Variants in XRCC4 observed in about 807,000 individuals in gnomAD.
XRCC4 encodes the protein DNA repair protein XRCC4.
XRCC4 carries 28 observed loss-of-function variants against 39.1 expected under a neutral mutation model. That is an observed-to-expected ratio of 0.72 (90% CI 0.53 to 0.98). The LOEUF (loss-of-function observed/expected upper bound fraction) is 0.98, where lower values mean the gene tolerates loss of function less well. Ranked by LOEUF, XRCC4 falls within the 50% of genes least tolerant of loss-of-function variation. The probability of loss-of-function intolerance (pLI) is 0.00; values close to 1 mark genes in which losing one functional copy is unlikely to be tolerated. For synonymous variants in XRCC4, 123 were observed against 126.4 expected, an observed-to-expected ratio of 0.97 and a Z score of 0.18; for missense variants, 350 against 376.4, an observed-to-expected ratio of 0.93 and a Z score of 0.58.
intron 3 of XRCC4, among the ~76,000 whole-genome samples, chr5:83,150,954 A>G (rs1748675885): frequency 6.6e-6 from 1 of 152,036 alleles, no homozygotes; most frequent in South Asian, 2.1e-4. Flanking sequence ...TTTGGAGTGA[A>G]TGGATTGTTT....
At chr5:83,082,662 T>A (rs1395925174) in intron 1 of XRCC4, among the ~76,000 whole-genome samples, 1 of 152,306 alleles carries the variant, frequency 6.6e-6, no homozygotes, top group East Asian at 1.9e-4. Context: ...ACAGGCTGCC[T>A]GTGGCCTATG....
At chr5:83,205,366 G>T (rs1751377689) in intron 6 of XRCC4, among the ~76,000 whole-genome samples, 1 of 152,084 alleles carries the variant, frequency 6.6e-6, no homozygotes, top group Non-Finnish European at 1.5e-5. Context: ...TCAGAAAAAA[G>T]ATTGCAACAA....
intron 3 of XRCC4, among the ~76,000 whole-genome samples, chr5:83,160,017 A>G (rs141933914): frequency 6.6e-6 from 1 of 152,300 alleles, no homozygotes; most frequent in Admixed American, 6.5e-5. Flanking sequence ...AACATTTAAA[A>G]GAGATCTTAG....
chr5:83,155,891 A>T (rs773629477), intron 3 of XRCC4, among the ~76,000 whole-genome samples: 9 of 152,092 alleles, frequency 5.9e-5, no homozygotes, highest in Non-Finnish European at 1.3e-4. Flanking sequence ...TTTTTTCTCT[A>T]GCGTTAAATA....
the XRCC4 span, among the ~76,000 whole-genome samples, chr5:83,366,830 C>T: frequency 2.6e-5 from 4 of 152,220 alleles, no homozygotes; most frequent in South Asian, 4.1e-4. Context: ...GCTTTTTTCA[C>T]GTTATCAGGG....
chr5:83,295,448 CAATA>C (rs984263917), intron 7 of XRCC4, among the ~76,000 whole-genome samples: 4 of 151,634 alleles, frequency 2.6e-5, no homozygotes, highest in Non-Finnish European at 4.4e-5. Context: ...CTGACAGATA[CAATA>C]AATAATTGTA....
intron 6 of XRCC4, among the ~76,000 whole-genome samples, chr5:83,234,895 T>G (rs1168478357): frequency 6.6e-6 from 1 of 151,662 alleles, no homozygotes; most frequent in Non-Finnish European, 1.5e-5. Context: ...CCTCTTTAAA[T>G]AGATATATTT....
intron 7 of XRCC4, among the ~76,000 whole-genome samples, chr5:83,273,612 T>C (rs1754219370): frequency 6.6e-6 from 1 of 152,176 alleles, no homozygotes; most frequent in Non-Finnish European, 1.5e-5. Context: ...AAGGAAGGGA[T>C]CTAGTTTCAG....
downstream of XRCC4, among the ~76,000 whole-genome samples, chr5:83,357,937 C>T: frequency 6.6e-6 from 1 of 152,128 alleles, no homozygotes; most frequent in East Asian, 1.9e-4. Flanking sequence ...TCACAAAGGC[C>T]TCACGAATTT....
chr5:83,112,468 C>A (rs572769369), intron 3 of XRCC4, among the ~76,000 whole-genome samples: 4 of 152,248 alleles, frequency 2.6e-5, no homozygotes, highest in Middle Eastern at 3.4e-3. Flanking sequence ...CATATTGATA[C>A]ATAATAAATT....
At chr5:83,149,089 A>G in intron 3 of XRCC4, among the ~76,000 whole-genome samples, 1 of 152,188 alleles carries the variant, frequency 6.6e-6, no homozygotes, top group Admixed American at 6.5e-5. Context: ...ATTATCAAAT[A>G]AATCATAATT....
At chr5:83,166,699 A>G (rs1580319574) in intron 3 of XRCC4, among the ~76,000 whole-genome samples, 1 of 149,568 alleles carries the variant, frequency 6.7e-6, no homozygotes, top group African/African-American at 2.5e-5. Flanking sequence ...CTGGTCTCGA[A>G]CTCCTGGCCT....
chr5:83,152,261 T>G (rs886838520), intron 3 of XRCC4, among the ~76,000 whole-genome samples: 1 of 152,262 alleles, frequency 6.6e-6, no homozygotes, highest in Non-Finnish European at 1.5e-5. Flanking sequence ...GTTTAAGGTT[T>G]TTTAGGCAAC....
At chr5:83,350,359 T>C (rs1263723543) in intron 7 of XRCC4, among the ~76,000 whole-genome samples, 1 of 152,206 alleles carries the variant, frequency 6.6e-6, no homozygotes, top group East Asian at 1.9e-4. Context: ...CCACTGTGGC[T>C]GAAGTCATTT....
At chr5:83,285,025 A>T (rs916766117) in intron 7 of XRCC4, among the ~76,000 whole-genome samples, 1 of 152,154 alleles carries the variant, frequency 6.6e-6, no homozygotes, top group African/African-American at 2.4e-5. Flanking sequence ...GACAGACTCA[A>T]AATTTCATGG....
intron 1 of XRCC4, among the ~76,000 whole-genome samples, chr5:83,100,434 T>C (rs1040055109): frequency 1.3e-5 from 2 of 152,146 alleles, no homozygotes; most frequent in African/African-American, 4.8e-5. Context: ...ATCTGGAATA[T>C]TGAATTTTAA....
chr5:83,232,543 TA>T (rs780187043), intron 6 of XRCC4, among the ~76,000 whole-genome samples: 4 of 152,026 alleles, frequency 2.6e-5, no homozygotes, highest in Non-Finnish European at 5.9e-5. Context: ...TCAGACCAAG[TA>T]AAAGAGTAGG....
At chr5:83,269,066 T>C (rs1754049542) in intron 7 of XRCC4, among the ~76,000 whole-genome samples, 1 of 152,184 alleles carries the variant, frequency 6.6e-6, no homozygotes, top group Admixed American at 6.6e-5. Flanking sequence ...AAAATCTCAG[T>C]GTTCTCACTG....
chr5:83,185,352 A>T (rs1750387283), intron 3 of XRCC4, among the ~76,000 whole-genome samples: 1 of 139,978 alleles, frequency 7.1e-6, no homozygotes, highest in Admixed American at 7.1e-5. Context: ...GTTCCAAACC[A>T]CATGCCCAGC....
Sources: gnomAD v4.1 joint callset for allele counts (sites outside exome capture counted in the v4.1 genomes callset) on GRCh38, gnomAD v4.1.1 for gene constraint, MANE v1.5 for transcripts, NCBI Gene and HGNC (gene_info 2026-07-23, HGNC 2026-07-21) for gene names.